ATXN7: variants seen among roughly 807,000 people sequenced by gnomAD.
ATXN7 encodes ataxin-7.
A neutral mutation model predicts 70.5 loss-of-function variants in ATXN7; 12 were observed. That is an observed-to-expected ratio of 0.17 (90% CI 0.11 to 0.28). The LOEUF is 0.28. ATXN7 is among the 10% of genes least tolerant of loss of function. The pLI is 1.00. For missense variants in ATXN7, 1,256 were observed against 1,131.7 expected, an observed-to-expected ratio of 1.11 and a Z score of -1.58; for synonymous variants, 498 against 448.7, an observed-to-expected ratio of 1.11 and a Z score of -1.39.
chr3:63,873,516 C>T (rs1024576533), intron 1 of ATXN7, among the ~76,000 whole-genome samples: 2 of 152,176 alleles, frequency 1.3e-5, no homozygotes, highest in Non-Finnish European at 2.9e-5. Context: ...AGCCAGTACC[C>T]TTTAGGGGAG....
rs1483288676 is a variant in ATXN7, at chr3:64,000,330, CTT to C, written c.*868_*869del. The stretch of plus-strand genomic sequence containing the variant: ...TTAAAATCACTATAGGGAGAAAAAA[CTT>C]TTTTCAAGATTTCCAAAGAGATGAA... On this transcript the variant is annotated 3_prime_UTR_variant, in exon 13 of 13. Transcript: ENST00000674280. 1.3e-5 allele frequency: 2 copies of C among 152,112 alleles called. No individual in the cohort carries two copies. Among genetic ancestry groups the C allele is most frequent in the Middle Eastern group, 3.4e-3 (1 of 294 alleles). 9.4% of individuals were successfully genotyped at this position (152,112 alleles called of 1,614,324 possible). A position where few individuals can be genotyped will look rare whatever the true frequency, so the allele number is the denominator to read the frequency against.
chr3:63,865,894 CAAAAA>C (rs34205947), intron 1 of ATXN7, among the ~76,000 whole-genome samples: 1,098 of 16,088 alleles, frequency 0.068, no homozygotes, highest in African/African-American at 0.19. Context: ...GACTCCATCT[CAAAAA>C]AAAAAAAAAA....
chr3:63,987,562 C>T (rs2075597798), intron 8 of ATXN7, among the ~76,000 whole-genome samples: 1 of 152,252 alleles, frequency 6.6e-6, no homozygotes, highest in South Asian at 2.1e-4. Context: ...AATAGAGGGA[C>T]GCAATTGTGT....
chr3:63,990,525 C>A, intron 10 of ATXN7, 151 bp downstream of exon 10: 1 of 1,163,922 alleles, frequency 8.6e-7, no homozygotes, highest in Non-Finnish European at 1.2e-6. Context: ...CCAGAGGCAG[C>A]ACACACTCTG....
Position 63,980,111 on chromosome 3 carries a change from G to A in ATXN7, c.696G>A (p.Arg232=), listed in dbSNP as rs577516783. ...LKSPKEKLQL[R]GNTRPMHPIQ... ...CACCCAAAGAGAAACTGCAGCTCAG[G>A]GGGAACACCAGGCCAATGCATCCCA... The change falls in exon 6 of 13, where the codon AGG becomes AGA. Residue 232 remains arginine (R), a synonymous_variant. Transcript: ENST00000674280. 2 of 1,614,140 alleles carry A rather than the reference G, an allele frequency of 1.2e-6. No homozygotes were observed. The highest frequency in any genetic ancestry group is 2.7e-5 in the African/African-American group (2 of 75,024).
chr3:63,938,679 A>C (rs2074705277), intron 4 of ATXN7, among the ~76,000 whole-genome samples: 1 of 152,228 alleles, frequency 6.6e-6, no homozygotes, highest in South Asian at 2.1e-4. Flanking sequence ...AGGCACCATG[A>C]GTATTTATGG....
At chr3:63,998,149 A>C (rs1298453547) in intron 12 of ATXN7, 1 of 976,110 alleles carries the variant, frequency 1.0e-6, no homozygotes, top group Non-Finnish European at 1.2e-6. Context: ...CACTGTCTTC[A>C]TTTAGACAGG....
chr3:63,873,419 A>G (rs968805780), intron 1 of ATXN7, among the ~76,000 whole-genome samples: 10 of 152,174 alleles, frequency 6.6e-5, no homozygotes. Context: ...CAACCTCTCC[A>G]GCAGTTTTTA....
intron 1 of ATXN7, among the ~76,000 whole-genome samples, chr3:63,874,263 G>T (rs946030582): frequency 2.6e-5 from 4 of 152,154 alleles, no homozygotes; most frequent in Non-Finnish European, 5.9e-5. Flanking sequence ...AAAGTTTATG[G>T]TCTCTGCACT....
chr3:63,964,713 T>C (rs1191017912), intron 5 of ATXN7, among the ~76,000 whole-genome samples: 1 of 152,232 alleles, frequency 6.6e-6, no homozygotes, highest in Non-Finnish European at 1.5e-5. Flanking sequence ...GAGTACCTAA[T>C]GAGCTCTGGA....
intron 1 of ATXN7, chr3:63,878,493 G>GCC (rs1327900071): frequency 6.6e-6 from 1 of 152,236 alleles, no homozygotes; most frequent in Admixed American, 6.5e-5. Context: ...TTTGCAAGAT[G>GCC]AATAACCATT....
At chr3:63,963,305 A>T (rs1448790177) in intron 5 of ATXN7, among the ~76,000 whole-genome samples, 1 of 152,094 alleles carries the variant, frequency 6.6e-6, no homozygotes, top group Non-Finnish European at 1.5e-5. Context: ...AGATTTTTTG[A>T]TTGGCATATG....
intron 4 of ATXN7, among the ~76,000 whole-genome samples, chr3:63,932,278 C>T (rs1297582897): frequency 6.6e-6 from 1 of 152,182 alleles, no homozygotes; most frequent in Non-Finnish European, 1.5e-5. Context: ...ATTACAGAAA[C>T]ATACAGTATT....
intron 12 of ATXN7, 172 bp from the exon 13 acceptor site, chr3:63,999,278 C>T (rs568284196): frequency 9.3e-5 from 56 of 602,690 alleles, no homozygotes; most frequent in Non-Finnish European, 1.5e-4. Context: ...GTAGTGAAGG[C>T]ATTTGAAAGC....
intron 5 of ATXN7, among the ~76,000 whole-genome samples, chr3:63,960,183 T>C (rs1014831834): frequency 1.3e-5 from 2 of 152,146 alleles, no homozygotes; most frequent in African/African-American, 4.8e-5. Context: ...AGAGGACAAG[T>C]GCTTCACATA....
At position 64,001,240 on chromosome 3, in the gene ATXN7, A is replaced by C. The variant is rs1401191176; in HGVS notation, c.*1773A>C. The C allele has an allele frequency of 6.6e-6, 1 of 152,214 alleles. No homozygotes were observed. Among genetic ancestry groups the C allele is most frequent in the Non-Finnish European group, 1.5e-5 (1 of 68,036 alleles). The allele number at this position is 152,214 out of a possible 1,614,324, so 9.4% of individuals were successfully genotyped here. Reference sequence around the variant, plus strand: ...TGTAAAATACTGATTTTTTTAAAGGAAGGAGAGAACAGTATCTTGTTCAAT... The same window carrying C: ...TGTAAAATACTGATTTTTTTAAAGGCAGGAGAGAACAGTATCTTGTTCAAT... On this transcript the variant is annotated 3_prime_UTR_variant, in exon 13 of 13. Coordinates refer to ENST00000674280, the MANE Select transcript of ATXN7 (RefSeq NM_001377405.1).
At chr3:63,913,324 C>G in intron 4 of ATXN7, 99 bp downstream of exon 4, 2 of 1,248,154 alleles carry the variant, frequency 1.6e-6, no homozygotes, top group Middle Eastern at 3.9e-4. Context: ...ACCGACTCCC[C>G]GACTCCCCGT....
At chr3:63,997,322 A>G (rs954693534) in intron 12 of ATXN7, among the ~76,000 whole-genome samples, 5 of 152,172 alleles carry the variant, frequency 3.3e-5, no homozygotes, top group Admixed American at 6.5e-5. Flanking sequence ...ATCTCACCCC[A>G]TATTTTCTCT....
chr3:63,894,223 C>T (rs1703374755), intron 1 of ATXN7, among the ~76,000 whole-genome samples: 1 of 152,156 alleles, frequency 6.6e-6, no homozygotes, highest in Non-Finnish European at 1.5e-5. Context: ...TCAGTTATCC[C>T]CCTCCAGGAA....
Sources: allele counts gnomAD v4.1 joint callset (sites outside exome capture counted in the v4.1 genomes callset), GRCh38; gene constraint gnomAD v4.1.1; transcripts MANE v1.5; gene names NCBI Gene and HGNC (gene_info 2026-07-23, HGNC 2026-07-21).